NPAS3: variants seen among roughly 807,000 people sequenced by gnomAD.
NPAS3 encodes the protein neuronal PAS domain protein 3, also known as neuronal PAS domain-containing protein 3.
Under a neutral mutation model 73.1 loss-of-function variants are expected in NPAS3, and 14 were observed. That is an observed-to-expected ratio of 0.19 (90% CI 0.13 to 0.30). The LOEUF (loss-of-function observed/expected upper bound fraction) is 0.30, where lower values mean the gene tolerates loss of function less well. Among genes scored for constraint, NPAS3 ranks in the 10% least tolerant of loss-of-function variants. The pLI, the probability that NPAS3 is intolerant of heterozygous loss-of-function variation, is 1.00. For synonymous variants in NPAS3, 620 were observed against 541.5 expected (o/e 1.14, Z -2.01); for missense variants, 1,096 against 1,250.0 (o/e 0.88, Z 1.86).
At chr14:33,372,423 C>T (rs943811469) in intron 4 of NPAS3, among the ~76,000 whole-genome samples, 1 of 152,096 alleles carries the variant, frequency 6.6e-6, no homozygotes, top group Admixed American at 6.6e-5. Flanking sequence ...TACTTTTCCA[C>T]TGAGAGGGAG....
At chr14:32,995,312 G>A (rs554875605) in intron 1 of NPAS3, among the ~76,000 whole-genome samples, 3 of 152,278 alleles carry the variant, frequency 2.0e-5, no homozygotes, top group East Asian at 1.9e-4. Context: ...CCTGGGAATC[G>A]TGTTTGGCTC....
intron 3 of NPAS3, among the ~76,000 whole-genome samples, chr14:33,286,883 A>T (rs2041898467): frequency 6.6e-6 from 1 of 152,156 alleles, no homozygotes; most frequent in Admixed American, 6.6e-5. Context: ...ATATTTCTCC[A>T]TGGTAAAAGA....
Position 33,089,808 on chromosome 14 carries a change from A to G in NPAS3, c.140+33814A>G, listed in dbSNP as rs553752135. On this transcript the variant is annotated intron_variant, in intron 2 of 11. Transcript: ENST00000356141. ...GACTAACAGCAGATCTCTCGGCAGA[A>G]ACTCTACAAGCCAGAAGAGAGTGGA... Among the ~76,000 whole-genome samples the G allele has an allele frequency of 7.2e-5, 11 of 152,334 alleles. No homozygotes were observed. The East Asian group carries it at 2.1e-3, about 29-fold the overall frequency.
chr14:33,275,708 CCTT>C (rs3058292), intron 3 of NPAS3, among the ~76,000 whole-genome samples: 111,603 of 151,720 alleles, frequency 0.74, 41,581 homozygotes, highest in Non-Finnish European at 0.77. Flanking sequence ...TGGTTGTTTT[CCTT>C]CTTTTCTTTT....
intron 2 of NPAS3, among the ~76,000 whole-genome samples, chr14:33,155,210 C>T (rs2044603840): frequency 6.6e-6 from 1 of 152,124 alleles, no homozygotes; most frequent in Admixed American, 6.6e-5. Flanking sequence ...GGTGGGAAGA[C>T]ATTGTTTGAA....
At chr14:33,500,799 T>G (rs2052474603) in intron 4 of NPAS3, among the ~76,000 whole-genome samples, 3 of 151,892 alleles carry the variant, frequency 2.0e-5, no homozygotes, top group African/African-American at 7.2e-5. Context: ...TCCAAACATG[T>G]TTTAAGTGCA....
chr14:33,100,771 A>G (rs1595449194), intron 2 of NPAS3, among the ~76,000 whole-genome samples: 2 of 152,234 alleles, frequency 1.3e-5, no homozygotes, highest in Middle Eastern at 6.8e-3. Flanking sequence ...AAATGTGGGA[A>G]TTATTTTTAA....
chr14:33,435,757 CT>C (rs1011434664), intron 4 of NPAS3, among the ~76,000 whole-genome samples: 2 of 152,114 alleles, frequency 1.3e-5, no homozygotes, highest in East Asian at 1.9e-4. Flanking sequence ...ATCTGCCCCC[CT>C]ATGTCCTGTC....
intron 4 of NPAS3, among the ~76,000 whole-genome samples, chr14:33,495,282 C>T (rs144241834): frequency 1.1e-4 from 16 of 152,086 alleles, no homozygotes; most frequent in African/African-American, 1.9e-4. Flanking sequence ...TGTAGTTGTG[C>T]GGTTTTGAAT....
intron 1 of NPAS3, among the ~76,000 whole-genome samples, chr14:33,049,421 C>G (rs1044182523): frequency 1.3e-5 from 2 of 152,198 alleles, no homozygotes; most frequent in African/African-American, 4.8e-5. Flanking sequence ...GGAGAACTCA[C>G]AGTTCCACAT....
At chr14:33,357,816 A>T (rs185553364) in intron 3 of NPAS3, among the ~76,000 whole-genome samples, 1 of 152,306 alleles carries the variant, frequency 6.6e-6, no homozygotes, top group East Asian at 1.9e-4. Context: ...GAACAATTAA[A>T]TCAGGGCGGG....
intron 1 of NPAS3, among the ~76,000 whole-genome samples, chr14:32,980,867 C>G (rs2037869206): frequency 6.6e-6 from 1 of 152,174 alleles, no homozygotes; most frequent in Admixed American, 6.5e-5. Context: ...ATGATACAGG[C>G]CACTTATGTT....
chr14:33,582,697 C>A (rs1999161), intron 5 of NPAS3, among the ~76,000 whole-genome samples: 7,134 of 152,208 alleles, frequency 0.047, 222 homozygotes, highest in African/African-American at 0.08. Flanking sequence ...GAAAGAAATG[C>A]AAAGTTCATA....
At chr14:33,575,163 A>G (rs1486276475) in intron 5 of NPAS3, among the ~76,000 whole-genome samples, 1 of 152,218 alleles carries the variant, frequency 6.6e-6, no homozygotes, top group African/African-American at 2.4e-5. Flanking sequence ...AGACCAACAT[A>G]TCATGCAATT....
At chr14:33,578,321 G>A (rs1181092686) in intron 5 of NPAS3, 1 of 433,558 alleles carries the variant, frequency 2.3e-6, no homozygotes, top group African/African-American at 2.0e-5. Flanking sequence ...AGCCTCCTGA[G>A]TAGCTGGAAT....
intron 2 of NPAS3, among the ~76,000 whole-genome samples, chr14:33,166,875 A>G (rs189695514): frequency 6.6e-6 from 1 of 152,350 alleles, no homozygotes; most frequent in Admixed American, 6.5e-5. Context: ...CTAAGGTTAA[A>G]GCGAATGCTT....
At chr14:33,781,973 A>G (rs925987176) in intron 9 of NPAS3, among the ~76,000 whole-genome samples, 1 of 152,234 alleles carries the variant, frequency 6.6e-6, no homozygotes, top group African/African-American at 2.4e-5. Flanking sequence ...TTAACATGAG[A>G]TGACTGATAG....
At chr14:33,436,762 G>T (rs1289532518) in intron 4 of NPAS3, among the ~76,000 whole-genome samples, 1 of 152,082 alleles carries the variant, frequency 6.6e-6, no homozygotes, top group East Asian at 1.9e-4. Flanking sequence ...ATTTGGTTCG[G>T]ATACCCTTGA....
intron 3 of NPAS3, among the ~76,000 whole-genome samples, chr14:33,345,347 T>C (rs915389256): frequency 4.6e-5 from 7 of 152,232 alleles, no homozygotes; most frequent in African/African-American, 1.7e-4. Context: ...TTGCCATTTG[T>C]GCTGATTTTC....
Sources: gnomAD v4.1 joint callset for allele counts (sites outside exome capture counted in the v4.1 genomes callset) on GRCh38, gnomAD v4.1.1 for gene constraint, MANE v1.5 for transcripts, NCBI Gene and HGNC (gene_info 2026-07-23, HGNC 2026-07-21) for gene names.